Variants in ST6GALNAC5 observed in about 807,000 individuals in gnomAD.
ST6GALNAC5 encodes the protein alpha-N-acetylgalactosaminide alpha-2,6-sialyltransferase 5.
Under a neutral mutation model 33.6 loss-of-function variants are expected in ST6GALNAC5, and 27 were observed. That is an observed-to-expected ratio of 0.80 (90% confidence interval 0.59 to 1.11). The LOEUF (loss-of-function observed/expected upper bound fraction) is 1.11. Ranked by LOEUF, ST6GALNAC5 falls within the 50% of genes least tolerant of loss-of-function variation. ST6GALNAC5 has a pLI of 0.00. For missense variants in ST6GALNAC5, 428 were observed against 454.0 expected (o/e 0.94, Z 0.52); for synonymous variants, 194 against 171.2 (o/e 1.13, Z -1.04).
chr1:77,049,079 C>T (rs1050758938), intron 3 of ST6GALNAC5, among the ~76,000 whole-genome samples: 5 of 152,206 alleles, frequency 3.3e-5, no homozygotes, highest in Non-Finnish European at 7.3e-5. Context: ...CCAGGAATAA[C>T]TAAGCCACCC....
chr1:76,965,312 C>T (rs1008536385), intron 2 of ST6GALNAC5, among the ~76,000 whole-genome samples: 8 of 152,212 alleles, frequency 5.3e-5, no homozygotes, highest in African/African-American at 1.4e-4. Flanking sequence ...TTCTAACTAG[C>T]GTGAGACAGT....
At chr1:76,914,422 G>C (rs912640208) in intron 2 of ST6GALNAC5, among the ~76,000 whole-genome samples, 2 of 152,192 alleles carry the variant, frequency 1.3e-5, no homozygotes, top group East Asian at 1.9e-4. Flanking sequence ...GAGGCATCAC[G>C]CTACCTGACT....
chr1:76,923,974 AT>A (rs1483443599), intron 2 of ST6GALNAC5, among the ~76,000 whole-genome samples: 1 of 152,132 alleles, frequency 6.6e-6, no homozygotes, highest in African/African-American at 2.4e-5. Flanking sequence ...TCAAATGAAA[AT>A]TCTATTGAAA....
intron 2 of ST6GALNAC5, among the ~76,000 whole-genome samples, chr1:77,007,438 A>T (rs1048525627): frequency 6.6e-5 from 10 of 152,218 alleles, no homozygotes; most frequent in Non-Finnish European, 1.0e-4. Flanking sequence ...AGCTATTGAC[A>T]AAATAGTCCA....
At chr1:76,933,564 A>AT (rs1160298899) in intron 2 of ST6GALNAC5, among the ~76,000 whole-genome samples, 1 of 151,982 alleles carries the variant, frequency 6.6e-6, no homozygotes, top group East Asian at 1.9e-4. Flanking sequence ...ATTTCAGAAG[A>AT]TTTTTGGGTT....
chr1:77,061,610 G>A (rs137965474), intron 4 of ST6GALNAC5, among the ~76,000 whole-genome samples: 7 of 152,322 alleles, frequency 4.6e-5, no homozygotes, highest in Non-Finnish European at 8.8e-5. Flanking sequence ...AAGGCCAGTT[G>A]CTGAGCATAG....
intron 2 of ST6GALNAC5, among the ~76,000 whole-genome samples, chr1:77,019,554 T>A (rs1368313147): frequency 6.6e-6 from 1 of 152,190 alleles, no homozygotes; most frequent in Non-Finnish European, 1.5e-5. Flanking sequence ...TGGAGCATCA[T>A]CTCATTCTCC....
intron 2 of ST6GALNAC5, among the ~76,000 whole-genome samples, chr1:77,005,379 A>G (rs1423244858): frequency 6.6e-6 from 1 of 152,026 alleles, no homozygotes; most frequent in African/African-American, 2.4e-5. Flanking sequence ...ACTGACCTGC[A>G]CCCACTGTCT....
chr1:76,944,910 A>T (rs1405571838), intron 2 of ST6GALNAC5, among the ~76,000 whole-genome samples: 2 of 152,158 alleles, frequency 1.3e-5, no homozygotes, highest in African/African-American at 2.4e-5. Context: ...ATACTCACTA[A>T]GGTGAAAATC....
At chr1:76,954,060 T>G (rs965516355) in intron 2 of ST6GALNAC5, among the ~76,000 whole-genome samples, 2 of 152,152 alleles carry the variant, frequency 1.3e-5, no homozygotes, top group African/African-American at 2.4e-5. Flanking sequence ...GTTTAAACTA[T>G]ATTGTATGTT....
intron 2 of ST6GALNAC5, among the ~76,000 whole-genome samples, chr1:77,003,516 G>C (rs1475387458): frequency 6.9e-6 from 1 of 145,590 alleles, no homozygotes; most frequent in East Asian, 2.2e-4. Flanking sequence ...TGTTATGTGT[G>C]AATTTGATCC....
Position 77,044,327 on chromosome 1 carries a change from C to A in ST6GALNAC5, c.385C>A (p.Arg129Ser). The A allele has an allele frequency of 1.9e-6, 3 of 1,614,034 alleles. No individual in the cohort carries two copies. Among genetic ancestry groups the A allele is most frequent in the Non-Finnish European group, 2.5e-6 (3 of 1,180,040 alleles). The change falls in exon 3 of 5, where the codon CGC (arginine) becomes AGC (serine). Residue 129 changes from arginine to serine, a missense_variant. Physicochemically the swap from Arg to Ser is moderately radical, Grantham distance 110. Transcript: ENST00000477717. ...CVIRMNDAPT[R>S]GYGRDVGNRT... is the part of the protein sequence containing the mutation. ...CATCCGCATGAATGACGCCCCCACA[C>A]GCGGCTATGGGCGTGACGTGGGCAA...
intron 2 of ST6GALNAC5, among the ~76,000 whole-genome samples, chr1:76,949,625 G>A (rs1647666482): frequency 6.6e-6 from 1 of 152,068 alleles, no homozygotes; most frequent in Admixed American, 6.6e-5. Context: ...CTGTGTTCCT[G>A]CCTCTGTAAT....
chr1:77,012,317 T>C (rs1035777208), intron 2 of ST6GALNAC5, among the ~76,000 whole-genome samples: 1 of 152,204 alleles, frequency 6.6e-6, no homozygotes, highest in African/African-American at 2.4e-5. Flanking sequence ...AAATAGACTT[T>C]GCAGAACCCC....
chr1:76,985,532 T>C (rs1557748911), intron 2 of ST6GALNAC5, among the ~76,000 whole-genome samples: 1 of 151,990 alleles, frequency 6.6e-6, no homozygotes, highest in South Asian at 2.1e-4. Context: ...AATGGAAGAA[T>C]ATTCCATGCT....
rs192352041 is a variant in ST6GALNAC5 at position 76,875,622 on chromosome 1, G to A, written c.261+6880G>A. Among the ~76,000 whole-genome samples the A allele has an allele frequency of 3.0e-4, 45 of 152,204 alleles. No homozygotes were observed. The East Asian group carries it at 5.6e-3, about 19-fold the overall frequency. On this transcript the variant is annotated intron_variant, in intron 2 of 4. Coordinates refer to ENST00000477717, the MANE Select transcript of ST6GALNAC5 (RefSeq NM_030965.3). ...CTCTCTCTGGAGCTAAGACCTCTAG[G>A]ACAGCAGAACATTATGTTGCAGGAA...
chr1:76,923,607 C>A (rs977044339), intron 2 of ST6GALNAC5, among the ~76,000 whole-genome samples: 5 of 151,928 alleles, frequency 3.3e-5, no homozygotes, highest in Non-Finnish European at 2.9e-5. Context: ...ACAGGAGAAT[C>A]GCTTGAACCC....
chr1:77,002,040 G>T (rs1018546519), intron 2 of ST6GALNAC5, among the ~76,000 whole-genome samples: 2 of 152,060 alleles, frequency 1.3e-5, no homozygotes, highest in African/African-American at 4.8e-5. Context: ...TTTTTCTATT[G>T]ATTGGAATAG....
At chr1:77,033,730 G>A (rs913479170) in intron 2 of ST6GALNAC5, among the ~76,000 whole-genome samples, 5 of 152,158 alleles carry the variant, frequency 3.3e-5, no homozygotes, top group African/African-American at 1.2e-4. Context: ...GCAAAGGCTG[G>A]AGACCAGAGA....
Sources: allele counts gnomAD v4.1 joint callset (sites outside exome capture counted in the v4.1 genomes callset), GRCh38; gene constraint gnomAD v4.1.1; transcripts MANE v1.5; gene names NCBI Gene and HGNC (gene_info 2026-07-23, HGNC 2026-07-21).